DPY19L1: variants seen among roughly 807,000 people sequenced by gnomAD.
DPY19L1 encodes protein C-mannosyl-transferase DPY19L1.
Under a neutral mutation model 96.9 loss-of-function variants are expected in DPY19L1, and 35 were observed. That is an observed-to-expected ratio of 0.36 (90% CI 0.28 to 0.48). DPY19L1 has a LOEUF of 0.48. DPY19L1 is among the 20% of genes least tolerant of loss of function. The probability of loss-of-function intolerance (pLI) is 0.99; values close to 1 mark genes in which losing one functional copy is unlikely to be tolerated. For missense variants in DPY19L1, 521 were observed against 777.9 expected (o/e 0.67, Z 3.93); for synonymous variants, 205 against 252.6 (o/e 0.81, Z 1.79).
intron 1 of DPY19L1, among the ~76,000 whole-genome samples, chr7:35,033,234 T>G (rs1041516159): frequency 1.3e-5 from 2 of 152,236 alleles, no homozygotes; most frequent in African/African-American, 4.8e-5. Flanking sequence ...GGTCTCAGCT[T>G]CAAGGCTACC....
chr7:34,980,781 C>T (rs1208025860), intron 7 of DPY19L1, among the ~76,000 whole-genome samples: 3 of 152,058 alleles, frequency 2.0e-5, no homozygotes, highest in Non-Finnish European at 4.4e-5. Context: ...AGAGGACTGC[C>T]AAAGCCAAGC....
At chr7:34,945,585 G>A in intron 16 of DPY19L1, 82 bp downstream of exon 16, 2 of 976,418 alleles carry the variant, frequency 2.0e-6, no homozygotes, top group African/African-American at 1.7e-5. Flanking sequence ...TACACAACAT[G>A]TAAGTATACA....
At chr7:34,960,848 C>T (rs1224205368) in intron 10 of DPY19L1, among the ~76,000 whole-genome samples, 1 of 151,990 alleles carries the variant, frequency 6.6e-6, no homozygotes, top group Non-Finnish European at 1.5e-5. Flanking sequence ...TTTATAATAT[C>T]AAAGGCAATT....
intron 21 of DPY19L1, among the ~76,000 whole-genome samples, chr7:34,937,107 C>T (rs1416514748): frequency 6.6e-6 from 1 of 152,204 alleles, no homozygotes; most frequent in Admixed American, 6.5e-5. Context: ...CACTTACGTG[C>T]CACATTTCTA....
chr7:34,935,583 G>C (rs1363085595), intron 21 of DPY19L1, among the ~76,000 whole-genome samples: 1 of 151,924 alleles, frequency 6.6e-6, no homozygotes, highest in Non-Finnish European at 1.5e-5. Flanking sequence ...CAATTGCCAG[G>C]CACAGATTAA....
chr7:34,933,687 C>A (rs1325007653), intron 21 of DPY19L1, among the ~76,000 whole-genome samples: 1 of 152,198 alleles, frequency 6.6e-6, no homozygotes, highest in Non-Finnish European at 1.5e-5. Flanking sequence ...GTCTTCTGGC[C>A]TCCATCTTTC....
In DPY19L1 at chr7:34,929,693, C is replaced by A. The variant is rs1783711205; in HGVS notation, c.*1880G>T. On this transcript the variant is annotated 3_prime_UTR_variant, in exon 22 of 22. Coordinates refer to ENST00000638088, the MANE Select transcript of DPY19L1 (RefSeq NM_001366673.1). ...CCCTCTCCCTGCTCATGTCAACTCCCATCCTCAGCCTCAAGTGTCCACCGC... is the reference window on the plus strand; with the variant it reads ...CCCTCTCCCTGCTCATGTCAACTCCAATCCTCAGCCTCAAGTGTCCACCGC... 6.6e-6 allele frequency: 1 copy of A among 152,276 alleles called. No individual in the cohort carries two copies. The highest frequency in any genetic ancestry group is 1.5e-5 in the Non-Finnish European group (1 of 68,060). 9.4% of individuals were successfully genotyped at this position (152,276 alleles called of 1,614,324 possible).
At chr7:34,950,437 C>A (rs974210619) in intron 13 of DPY19L1, among the ~76,000 whole-genome samples, 1 of 152,170 alleles carries the variant, frequency 6.6e-6, no homozygotes, top group African/African-American at 2.4e-5. Context: ...ACTCACACTG[C>A]CACATTTACC....
Position 34,973,537 on chromosome 7 carries a change from C to A in DPY19L1, c.891G>T (p.Met297Ile). 6.5e-7 allele frequency: 1 copy of A among 1,542,480 alleles called. No homozygotes were observed. The highest frequency in any genetic ancestry group is 8.7e-7 in the Non-Finnish European group (1 of 1,144,076). The change falls in exon 8 of 22, where the codon ATG becomes ATT. Residue 297 changes from methionine (M) to isoleucine (I), a missense_variant. By Grantham distance (10) the Met-to-Ile change is conservative. Transcript: ENST00000638088. Reference protein sequence around the residue: ...SFSYPFLVLQMLLVTHILRAT... With the variant: ...SFSYPFLVLQILLVTHILRAT... The stretch of plus-strand genomic sequence containing the variant: ...ACCTGAGAATATGAGTCACTAGCAA[C>A]ATCTGAAGAACAAGAAATGGATATG...
intron 10 of DPY19L1, among the ~76,000 whole-genome samples, chr7:34,958,520 G>C (rs1784425869): frequency 6.6e-6 from 1 of 152,038 alleles, no homozygotes; most frequent in East Asian, 1.9e-4. Context: ...ATTTTGTTTT[G>C]TTTGGATCTT....
intron 13 of DPY19L1, among the ~76,000 whole-genome samples, chr7:34,952,742 G>T (rs1373666004): frequency 1.3e-5 from 2 of 152,092 alleles, no homozygotes; most frequent in Non-Finnish European, 2.9e-5. Flanking sequence ...TCAAAAAAAT[G>T]TGTCAACTTC....
chr7:34,957,254 T>C (rs375308663), intron 11 of DPY19L1, among the ~76,000 whole-genome samples: 1 of 152,042 alleles, frequency 6.6e-6, no homozygotes, highest in African/African-American at 2.4e-5. Context: ...TGGTGGCACA[T>C]GCCTGTAATC....
chr7:35,036,056 G>A (rs1786391266), intron 1 of DPY19L1, among the ~76,000 whole-genome samples: 1 of 152,182 alleles, frequency 6.6e-6, no homozygotes, highest in South Asian at 2.1e-4. Context: ...AAAACATACA[G>A]AGATGACTGG....
intron 6 of DPY19L1, among the ~76,000 whole-genome samples, chr7:35,004,901 T>C (rs1005968175): frequency 1.7e-4 from 26 of 152,202 alleles, no homozygotes; most frequent in African/African-American, 6.3e-4. Flanking sequence ...GGCATTGTTC[T>C]GTCTCCCCCA....
intron 7 of DPY19L1, among the ~76,000 whole-genome samples, chr7:34,975,032 A>G (rs1215345491): frequency 6.6e-6 from 1 of 152,076 alleles, no homozygotes; most frequent in Non-Finnish European, 1.5e-5. Flanking sequence ...CCACTCTCCC[A>G]TCTGTCTCCC....
chr7:34,991,721 AT>A (rs1423873834), intron 6 of DPY19L1, among the ~76,000 whole-genome samples: 1 of 152,252 alleles, frequency 6.6e-6, no homozygotes, highest in Non-Finnish European at 1.5e-5. Context: ...ACCTAAGAAC[AT>A]TTTAGTATGT....
intron 1 of DPY19L1, among the ~76,000 whole-genome samples, chr7:35,022,027 T>A (rs1786006649): frequency 6.6e-6 from 1 of 152,162 alleles, no homozygotes; most frequent in Non-Finnish European, 1.5e-5. Context: ...AATTTAAGAA[T>A]AAAAACGGAA....
At chr7:35,029,560 TCTTG>T (rs1221976939) in intron 1 of DPY19L1, among the ~76,000 whole-genome samples, 4 of 152,208 alleles carry the variant, frequency 2.6e-5, no homozygotes, top group Non-Finnish European at 1.5e-5. Context: ...GTATCACAAA[TCTTG>T]CTTATCTTTT....
intron 6 of DPY19L1, among the ~76,000 whole-genome samples, chr7:34,993,314 G>C (rs1785212311): frequency 6.6e-6 from 1 of 151,932 alleles, no homozygotes; most frequent in Non-Finnish European, 1.5e-5. Flanking sequence ...CTTTGAAATA[G>C]CCAATTATAT....
Sources: gnomAD v4.1 joint callset for allele counts (sites outside exome capture counted in the v4.1 genomes callset) on GRCh38, gnomAD v4.1.1 for gene constraint, MANE v1.5 for transcripts, NCBI Gene and HGNC (gene_info 2026-07-23, HGNC 2026-07-21) for gene names.